ARRB2: variants seen among roughly 807,000 people sequenced by gnomAD.
ARRB2 encodes the protein arrestin beta 2, also known as beta-arrestin-2.
Under a neutral mutation model 53.4 loss-of-function variants are expected in ARRB2, and 21 were observed. The ratio of observed to expected loss-of-function variants is 0.39; its 90% CI spans 0.28 to 0.57. The LOEUF is 0.57. Among genes scored for constraint, ARRB2 ranks in the 20% least tolerant of loss-of-function variants. The pLI is 0.55. For synonymous variants in ARRB2, 180 were observed against 212.9 expected (o/e 0.85, Z 1.34); for missense variants, 369 against 527.5 (o/e 0.70, Z 2.94).
At chr17:4,710,815 G>A (rs926000765) in intron 1 of ARRB2, 71 bp downstream of exon 1, 8 of 398,056 alleles carry the variant, frequency 2.0e-5, no homozygotes, top group Non-Finnish European at 3.5e-5. Context: ...GGTCCCAGAC[G>A]AGGGCGCAGC....
Position 4,717,348 on chromosome 17 carries a change from G to GC in ARRB2, c.417+74dup. ...AGCAGGAGCCTGGAGGCACAGCTGA[G>GC]CCAGAGGGTGAACTGTCGAGATGCC... On this transcript the variant is annotated intron_variant, in intron 6 of 14. Transcript: ENST00000269260. The surrounding 1 kb of genome is among the most constrained non-coding windows in gnomAD (Gnocchi z 6.0). The GC allele has an allele frequency of 6.4e-7, 1 of 1,559,256 alleles. No homozygotes were observed. The highest frequency in any genetic ancestry group is 8.8e-7 in the Non-Finnish European group (1 of 1,130,516).
Position 4,717,864 on chromosome 17 carries a change from C to T in ARRB2, c.486-24C>T, listed in dbSNP as rs1361003823. 5 of 1,613,378 alleles carry T rather than the reference C, an allele frequency of 3.1e-6. No individual in the cohort carries two copies. The Admixed American group carries it at 5.0e-5, about 16-fold the overall frequency. ...GGTTGGGGTGTGTGAGGAATGACCC[C>T]TCCTGCCCCTACTCTGATCCCAGGA... On this transcript the variant is annotated intron_variant, in intron 7 of 14. Transcript: ENST00000269260. This position sits in a 1 kb window ranked among gnomAD's most constrained non-coding sequence, Gnocchi z 6.0.
At position 4,710,655 on chromosome 17, in the gene ARRB2, G is replaced by A. The variant is rs1214612689; in HGVS notation, c.-67G>A. On this transcript the variant is annotated 5_prime_UTR_variant, in exon 1 of 15. Coordinates refer to ENST00000269260, the MANE Select transcript of ARRB2 (RefSeq NM_004313.4). ...GCGCATTGGCGCGGGGAGGAGCAGG[G>A]ATCTTGGCAGCGGGCGAGGAGGCTG... 6 of 398,632 alleles carry A rather than the reference G, an allele frequency of 1.5e-5. No individual in the cohort carries two copies. The highest frequency in any genetic ancestry group is 2.7e-5 in the Non-Finnish European group (6 of 226,124). 24.7% of individuals were successfully genotyped at this position (398,632 alleles called of 1,614,324 possible). A position where few individuals can be genotyped will look rare whatever the true frequency, so the allele number is the denominator to read the frequency against.
Position 4,717,629 on chromosome 17 carries a change from G to T in ARRB2, c.418-56G>T. ...AGGAGGGAAGGGGGAGGAAGAAAGG[G>T]CAGTGATGGTGGCGGGAGCCTCCGG... On this transcript the variant is annotated intron_variant, in intron 6 of 14. Transcript: ENST00000269260. This position sits in a 1 kb window ranked among gnomAD's most constrained non-coding sequence, Gnocchi z 6.0. 1.2e-6 allele frequency: 2 copies of T among 1,607,108 alleles called. No homozygotes were observed. The highest frequency in any genetic ancestry group is 1.7e-6 in the Non-Finnish European group (2 of 1,174,278).
In ARRB2 at chr17:4,721,399, A is replaced by C; in HGVS notation, c.*360A>C. The stretch of plus-strand genomic sequence containing the variant: ...CCTCACACCAACACCTCCCATTATC[A>C]CTCTCTCTGCCCCCATTCCTTCAAG... On this transcript the variant is annotated 3_prime_UTR_variant, in exon 15 of 15. Transcript: ENST00000269260. The surrounding 1 kb of genome is among the most constrained non-coding windows in gnomAD (Gnocchi z 4.2). The C allele has an allele frequency of 2.4e-6, 1 of 421,324 alleles. No individual in the cohort carries two copies. The highest frequency in any genetic ancestry group is 8.6e-5 in the South Asian group (1 of 11,610). The allele number at this position is 421,324 out of a possible 1,614,324, so 26.1% of individuals were successfully genotyped here.
In ARRB2 at chr17:4,720,656, C is replaced by T. The variant is rs776572450; in HGVS notation, c.1136+16C>T. ...TTGATACCAAGTAAGAAACTCATTC[C>T]CCTACTTGACCCTCTTGGGACAAAG... On this transcript the variant is annotated intron_variant, in intron 14 of 14. Transcript: ENST00000269260. 31 of 1,534,028 alleles carry T rather than the reference C, an allele frequency of 2.0e-5. No homozygotes were observed. Among genetic ancestry groups the T allele is most frequent in the Non-Finnish European group, 2.7e-5 (31 of 1,138,490 alleles).
chr17:4,711,374 G>A (rs542013038), intron 1 of ARRB2, among the ~76,000 whole-genome samples: 1 of 152,086 alleles, frequency 6.6e-6, no homozygotes, highest in Admixed American at 6.5e-5. Context: ...GATGTTTTCT[G>A]TGCAATCGAG....
chr17:4,715,729 A>T, intron 2 of ARRB2: 1 of 555,320 alleles, frequency 1.8e-6, no homozygotes, highest in South Asian at 2.0e-5. Context: ...ACACACAAAC[A>T]CACACACACC....
At position 4,719,421 on chromosome 17, in the gene ARRB2, G is replaced by A. The variant is rs1915461178; in HGVS notation, c.917+1G>A. On this transcript the variant is annotated splice_donor_variant, in intron 11 of 14. Transcript: ENST00000269260. LOFTEE classifies it high-confidence loss of function. Reference sequence around the variant, plus strand: ...ACACCAACCTGGCTTCCAGCACCATGTGAGGGTGGGGCTGGGGCGGGTCCC... The same window carrying A: ...ACACCAACCTGGCTTCCAGCACCATATGAGGGTGGGGCTGGGGCGGGTCCC... 2 of 1,613,536 alleles carry A rather than the reference G, an allele frequency of 1.2e-6. No individual in the cohort carries two copies. Among genetic ancestry groups the A allele is most frequent in the South Asian group, 1.1e-5 (1 of 91,058 alleles).
chr17:4,717,406 G>A lies in ARRB2; in HGVS notation c.417+130G>A, dbSNP rs932416277. On this transcript the variant is annotated intron_variant, in intron 6 of 14. Coordinates refer to ENST00000269260, the MANE Select transcript of ARRB2 (RefSeq NM_004313.4). This position sits in a 1 kb window ranked among gnomAD's most constrained non-coding sequence, Gnocchi z 6.0. ...GGCCGAGGGTAGGCCAGTGTCCCCC[G>A]TGGAAGTGGGGCGTATGTGGTGGTC... 8 of 1,186,946 alleles carry A rather than the reference G, an allele frequency of 6.7e-6. No individual in the cohort carries two copies. The highest frequency in any genetic ancestry group is 4.5e-5 in the African/African-American group (3 of 66,386). The allele number at this position is 1,186,946 out of a possible 1,614,324, so 73.5% of individuals were successfully genotyped here. A position where few individuals can be genotyped will look rare whatever the true frequency, so the allele number is the denominator to read the frequency against.
rs1915683781 is a variant in ARRB2, at chr17:4,721,438, G to A, written c.*399G>A. The A allele has an allele frequency of 2.5e-6, 1 of 404,058 alleles. No homozygotes were observed. Among genetic ancestry groups the A allele is most frequent in the East Asian group, 3.6e-5 (1 of 27,974 alleles). The allele number at this position is 404,058 out of a possible 1,614,324, so 25.0% of individuals were successfully genotyped here. On this transcript the variant is annotated 3_prime_UTR_variant, in exon 15 of 15. Transcript: ENST00000269260. The surrounding 1 kb of genome is among the most constrained non-coding windows in gnomAD (Gnocchi z 4.2). ...CATTCCTTCAAGAGGAGACCCTTTG[G>A]GGACAAGGCCGTTTCTTTGTTTCTG... is the stretch of plus-strand genomic sequence containing the variant.
In ARRB2 at chr17:4,710,674, G is replaced by T. The variant is rs1040930691; in HGVS notation, c.-48G>T. On this transcript the variant is annotated 5_prime_UTR_variant, in exon 1 of 15. Coordinates refer to ENST00000269260, the MANE Select transcript of ARRB2 (RefSeq NM_004313.4). ...AGCAGGGATCTTGGCAGCGGGCGAG[G>T]AGGCTGCGAGCGAGCCGCGAACCGA... The T allele has an allele frequency of 3.5e-5, 14 of 398,488 alleles. No individual in the cohort carries two copies. The highest frequency in any genetic ancestry group is 5.8e-5 in the Non-Finnish European group (13 of 225,990). 24.7% of individuals were successfully genotyped at this position (398,488 alleles called of 1,614,324 possible). A position where few individuals can be genotyped will look rare whatever the true frequency, so the allele number is the denominator to read the frequency against.
intron 10 of ARRB2, 37 bp from the exon 11 acceptor site, chr17:4,719,246 G>A (rs774048746): frequency 1.2e-5 from 19 of 1,593,438 alleles, no homozygotes; most frequent in African/African-American, 4.0e-5. Flanking sequence ...CCAGCCCAGC[G>A]CCCCTAAGCA....
chr17:4,721,450 T>C lies in ARRB2; in HGVS notation c.*411T>C. The C allele has an allele frequency of 2.5e-6, 1 of 397,904 alleles. No individual in the cohort carries two copies. Among genetic ancestry groups the C allele is most frequent in the Non-Finnish European group, 4.4e-6 (1 of 225,698 alleles). 24.6% of individuals were successfully genotyped at this position (397,904 alleles called of 1,614,324 possible). ...AGGAGACCCTTTGGGGACAAGGCCG[T>C]TTCTTTGTTTCTGAGCATAAAGAAG... is the stretch of plus-strand genomic sequence containing the variant. On this transcript the variant is annotated 3_prime_UTR_variant, in exon 15 of 15. Coordinates refer to ENST00000269260, the MANE Select transcript of ARRB2 (RefSeq NM_004313.4). The surrounding 1 kb of genome is among the most constrained non-coding windows in gnomAD (Gnocchi z 4.2).
At chr17:4,715,568 GACAC>G (rs112527658) in intron 2 of ARRB2, 131 of 219,944 alleles carry the variant, frequency 6.0e-4, no homozygotes, top group Non-Finnish European at 9.1e-4. Flanking sequence ...CACACACACG[GACAC>G]ACACACACAC....
In ARRB2 at chr17:4,716,398, C is replaced by A. The variant is rs1273742398; in HGVS notation, c.161-14C>A. 6 of 1,613,966 alleles carry A rather than the reference C, an allele frequency of 3.7e-6. No individual in the cohort carries two copies. Among genetic ancestry groups the A allele is most frequent in the Non-Finnish European group, 5.1e-6 (6 of 1,180,000 alleles). On this transcript the variant is annotated splice_polypyrimidine_tract_variant and intron_variant, in intron 4 of 14. Transcript: ENST00000269260. ...GTGGGGCTCCTGACCACTCATCTCACCCTCCCTTGCCAGTGTTTGTGACCC... is the reference window on the plus strand; with the variant it reads ...GTGGGGCTCCTGACCACTCATCTCAACCTCCCTTGCCAGTGTTTGTGACCC...
chr17:4,712,437 C>T (rs1914502018), intron 1 of ARRB2, among the ~76,000 whole-genome samples: 1 of 152,236 alleles, frequency 6.6e-6, no homozygotes, highest in South Asian at 2.1e-4. Context: ...TATGCTCCAG[C>T]TGTCAGAGCT....
rs1429372395 is a variant in ARRB2 at position 4,718,622 on chromosome 17, C to T, written c.717C>T (p.Tyr239=). The change falls in exon 10 of 15, where the codon TAC becomes TAT. Residue 239 remains tyrosine (Y), a synonymous_variant. Transcript: ENST00000269260. ...VKKIKVSVRQ[Y]ADICLFSTAQ... ...CGTCCCACCCCACAGTGAGACAGTA[C>T]GCCGACATCTGCCTCTTCAGCACCG... 15 of 1,613,384 alleles carry T rather than the reference C, an allele frequency of 9.3e-6. No individual in the cohort carries two copies. The highest frequency in any genetic ancestry group is 2.2e-5 in the East Asian group (1 of 44,886).
At chr17:4,715,607 C>T (rs113390020) in intron 2 of ARRB2, 6 of 344,704 alleles carry the variant, frequency 1.7e-5, no homozygotes, top group Non-Finnish European at 2.7e-5. Flanking sequence ...AAACACACCT[C>T]GCTGGTTGGG....
Sources: allele counts gnomAD v4.1 joint callset (sites outside exome capture counted in the v4.1 genomes callset), GRCh38; gene constraint gnomAD v4.1.1; non-coding constraint Gnocchi (gnomAD v3.1); transcripts MANE v1.5; gene names NCBI Gene and HGNC (gene_info 2026-07-23, HGNC 2026-07-21).